The following RPS6KA2 variants were observed in gnomAD, a reference collection of about 807,000 sequenced individuals.
The protein encoded by RPS6KA2 is ribosomal protein S6 kinase alpha-2.
RPS6KA2 carries 42 observed loss-of-function variants against 91.8 expected under a neutral mutation model. The ratio of observed to expected loss-of-function variants is 0.46; its 90% CI spans 0.36 to 0.59. RPS6KA2 has a LOEUF of 0.59. RPS6KA2 is among the 20% of genes least tolerant of loss of function. The probability of loss-of-function intolerance (pLI) is 0.00; values close to 1 mark genes in which losing one functional copy is unlikely to be tolerated. For missense variants in RPS6KA2, 798 were observed against 978.5 expected (o/e 0.82, Z 2.46); for synonymous variants, 414 against 393.6 (o/e 1.05, Z -0.61).
At chr6:166,610,813 A>G (rs1438068891) in intron 1 of RPS6KA2, among the ~76,000 whole-genome samples, 2 of 152,374 alleles carry the variant, frequency 1.3e-5, no homozygotes, top group South Asian at 2.1e-4. Flanking sequence ...TTATAGAGTT[A>G]TAACAGAATA....
chr6:166,499,577 A>T lies in RPS6KA2; in HGVS notation c.605-927T>A, dbSNP rs912182347. Among the ~76,000 whole-genome samples, 3 of 152,314 alleles carry T rather than the reference A, an allele frequency of 2.0e-5. No homozygotes were observed. The East Asian group carries it at 5.8e-4, about 29-fold the overall frequency. On this transcript the variant is annotated intron_variant, in intron 7 of 20. Coordinates refer to ENST00000265678, the MANE Select transcript of RPS6KA2 (RefSeq NM_021135.6). The stretch of plus-strand genomic sequence containing the variant: ...CTCACGAGATCTGATGGTTTTATAC[A>T]GGGCAGTTCTCCTGCACATGCTCTC...
intron 2 of RPS6KA2, among the ~76,000 whole-genome samples, chr6:166,723,451 G>T (rs1790241001): frequency 6.6e-6 from 1 of 151,964 alleles, no homozygotes; most frequent in East Asian, 1.9e-4. Context: ...CCCCAGGGGG[G>T]TCCCACATGT....
intron 3 of RPS6KA2, among the ~76,000 whole-genome samples, chr6:166,530,767 T>A (rs991156849): frequency 6.6e-6 from 1 of 152,242 alleles, no homozygotes; most frequent in African/African-American, 2.4e-5. Flanking sequence ...ACTTGCAGGA[T>A]GGGCGTGCAG....
rs551038071 is a variant in RPS6KA2, at chr6:166,849,913, C to T, written c.123+8287G>A. 1.5e-4 allele frequency among the ~76,000 whole-genome samples: 23 copies of T among 152,168 alleles called. No individual in the cohort carries two copies. Among genetic ancestry groups the T allele is most frequent in the African/African-American group, 4.6e-4 (19 of 41,524 alleles). ...GACCAGGGGCACTCATGCCTGGCTC[C>T]GCTGTGCCCACGGGGCCTCCACCAG... On this transcript the variant is annotated intron_variant, in intron 2 of 21. Coordinates refer to the RPS6KA2 transcript ENST00000503859. This position sits in a 1 kb window ranked among gnomAD's most constrained non-coding sequence, Gnocchi z 4.9.
intron 10 of RPS6KA2, among the ~76,000 whole-genome samples, chr6:166,482,733 T>A (rs1003384480): frequency 6.6e-6 from 1 of 152,172 alleles, no homozygotes; most frequent in Non-Finnish European, 1.5e-5. Context: ...AAAGGTTTCA[T>A]GAACTTCTCC....
At position 166,737,269 on chromosome 6, in the gene RPS6KA2, C is replaced by T. The variant is rs56241737; in HGVS notation, c.123+120931G>A. On this transcript the variant is annotated intron_variant, in intron 2 of 21. Transcript: ENST00000503859. The surrounding 1 kb of genome is among the most constrained non-coding windows in gnomAD (Gnocchi z 4.3). ...TATTATTTAGAAGCAAATAAATCTGCAAGGCTATTGGCGTCTCTCCCTAAT... is the reference window on the plus strand; with the variant it reads ...TATTATTTAGAAGCAAATAAATCTGTAAGGCTATTGGCGTCTCTCCCTAAT... 0.098 allele frequency among the ~76,000 whole-genome samples: 14,975 copies of T among 152,188 alleles called. 1,436 individuals are homozygous for T. The highest frequency in any genetic ancestry group is 0.25 in the African/African-American group (10,358 of 41,476).
chr6:166,793,408 C>T (rs1200948538), intron 2 of RPS6KA2, among the ~76,000 whole-genome samples: 5 of 149,712 alleles, frequency 3.3e-5, no homozygotes, highest in African/African-American at 1.2e-4. Context: ...GAATCAATAT[C>T]GTGAAAATGG....
In RPS6KA2 at chr6:166,796,015, C is replaced by T. The variant is rs1289489160; in HGVS notation, c.123+62185G>A. On this transcript the variant is annotated intron_variant, in intron 2 of 21. Transcript: ENST00000503859. Reference sequence around the variant, plus strand: ...TAATCTGAAGACATTTGAGACTCAACAGATACAGAAAGAAGCCTTCTCAGA... The same window carrying T: ...TAATCTGAAGACATTTGAGACTCAATAGATACAGAAAGAAGCCTTCTCAGA... Among the ~76,000 whole-genome samples the T allele has an allele frequency of 2.0e-5, 3 of 152,252 alleles. No homozygotes were observed. In the East Asian group the frequency reaches 5.8e-4, roughly 29 times the overall value.
chr6:166,434,619 A>G lies in RPS6KA2; in HGVS notation c.1333-2129T>C, dbSNP rs932257784. Among the ~76,000 whole-genome samples the G allele has an allele frequency of 2.6e-5, 4 of 152,234 alleles. No homozygotes were observed. The highest frequency in any genetic ancestry group is 5.9e-5 in the Non-Finnish European group (4 of 68,044). On this transcript the variant is annotated intron_variant, in intron 14 of 20. Transcript: ENST00000265678. This position sits in a 1 kb window ranked among gnomAD's most constrained non-coding sequence, Gnocchi z 4.4. ...GTCTTTGCAATTAGAGAAGGTTAAA[A>G]TACATTTATAAATTTATAAAAGAAT...
intron 1 of RPS6KA2, among the ~76,000 whole-genome samples, chr6:166,541,049 C>T (rs1316868800): frequency 1.3e-5 from 2 of 152,242 alleles, no homozygotes; most frequent in Non-Finnish European, 2.9e-5. Context: ...TTAACATCCT[C>T]TACCTACAGG....
chr6:166,456,627 C>T (rs1476364712), intron 12 of RPS6KA2, among the ~76,000 whole-genome samples: 2 of 152,174 alleles, frequency 1.3e-5, no homozygotes, highest in Non-Finnish European at 2.9e-5. Flanking sequence ...CACTGTGAGT[C>T]CAGGATCTAA....
chr6:166,716,596 C>T (rs1007833244), intron 2 of RPS6KA2, among the ~76,000 whole-genome samples: 3 of 152,224 alleles, frequency 2.0e-5, no homozygotes, highest in African/African-American at 4.8e-5. Flanking sequence ...TCCCTCTGCA[C>T]TGCACGGCTG....
chr6:166,586,577 C>T (rs1327870201), intron 1 of RPS6KA2: 17 of 1,122,870 alleles, frequency 1.5e-5, no homozygotes, highest in Admixed American at 7.0e-5. Flanking sequence ...CGAACCCCGC[C>T]GGCGAGACAC....
At chr6:166,640,799 G>T (rs570476048) in intron 2 of RPS6KA2, among the ~76,000 whole-genome samples, 3 of 151,044 alleles carry the variant, frequency 2.0e-5, no homozygotes, top group East Asian at 3.9e-4. Flanking sequence ...AGGTTCAGTG[G>T]GGGGCCAAGC....
intron 2 of RPS6KA2, among the ~76,000 whole-genome samples, chr6:166,706,656 G>A (rs1220556306): frequency 6.6e-6 from 1 of 152,172 alleles, no homozygotes; most frequent in African/African-American, 2.4e-5. Flanking sequence ...CGACTGGATG[G>A]GTACCCAGGC....
intron 2 of RPS6KA2, among the ~76,000 whole-genome samples, chr6:166,675,976 A>G (rs184174311): frequency 5.2e-4 from 79 of 152,250 alleles, no homozygotes; most frequent in African/African-American, 1.8e-3. Context: ...CAGAAAGTTG[A>G]GTGTAAACAG....
chr6:166,506,210 G>T (rs1419748307), intron 5 of RPS6KA2, among the ~76,000 whole-genome samples: 1 of 152,226 alleles, frequency 6.6e-6, no homozygotes, highest in African/African-American at 2.4e-5. Flanking sequence ...CTTTCCGCAG[G>T]TTCCCAGCAA....
In RPS6KA2 at chr6:166,563,413, C is replaced by T. The variant is rs1784401372; in HGVS notation, c.100-24629G>A. Among the ~76,000 whole-genome samples the T allele has an allele frequency of 6.6e-6, 1 of 152,218 alleles. No homozygotes were observed. Among genetic ancestry groups the T allele is most frequent in the South Asian group, 2.1e-4 (1 of 4,832 alleles). ...GCTCGCCGCCAGCGGTGGGATCCCT[C>T]TTCCTGCACAGAACCGCCTCTTCCT... On this transcript the variant is annotated intron_variant, in intron 1 of 20. Transcript: ENST00000265678. This position sits in a 1 kb window ranked among gnomAD's most constrained non-coding sequence, Gnocchi z 4.1.
intron 1 of RPS6KA2, among the ~76,000 whole-genome samples, chr6:166,622,121 G>A (rs1050226590): frequency 1.3e-5 from 2 of 152,134 alleles, no homozygotes; most frequent in Admixed American, 1.3e-4. Context: ...TGCTGGGTGT[G>A]GCCAAAGACA....
Sources: allele counts gnomAD v4.1 joint callset (sites outside exome capture counted in the v4.1 genomes callset), GRCh38; gene constraint gnomAD v4.1.1; non-coding constraint Gnocchi (gnomAD v3.1); transcripts MANE v1.5; gene names NCBI Gene and HGNC (gene_info 2026-07-23, HGNC 2026-07-21).